The following NADK2 variants were observed in gnomAD, a reference collection of about 807,000 sequenced individuals.
NADK2 encodes NAD kinase domain-containing protein 1, mitochondrial.
In NADK2, 35 loss-of-function variants were observed where a neutral mutation model predicts 62.1. The observed-to-expected ratio is 0.56, with a 90% CI of 0.43 to 0.75. The LOEUF (loss-of-function observed/expected upper bound fraction) is 0.75, where lower values mean the gene tolerates loss of function less well. NADK2 is among the 30% of genes least tolerant of loss of function. The probability of loss-of-function intolerance (pLI) is 0.00; values close to 1 mark genes in which losing one functional copy is unlikely to be tolerated. For missense variants in NADK2, 439 were observed against 561.3 expected (o/e 0.78, Z 2.20); for synonymous variants, 205 against 207.9 (o/e 0.99, Z 0.12).
Position 36,211,753 on chromosome 5 carries a change from A to G in NADK2, c.860+91T>C, listed in dbSNP as rs539429622. 145 of 1,107,216 alleles carry G rather than the reference A, an allele frequency of 1.3e-4. No individual in the cohort carries two copies. The African/African-American group carries it at 2.0e-3, about 16-fold the overall frequency. The allele number at this position is 1,107,216 out of a possible 1,614,324, so 68.6% of individuals were successfully genotyped here. ...TGCCATTACTTGCAAAATATTATTC[A>G]CAAATCTTAGCCAGGTTGTAGAAAC... On this transcript the variant is annotated intron_variant, in intron 7 of 11. Transcript: ENST00000381937.
In NADK2 at chr5:36,219,630, C is replaced by G; in HGVS notation, c.610G>C (p.Glu204Gln). ...LPVRYTHSFP[E>Q]ALQKFYRGEF... Reference sequence around the variant, plus strand: ...CCACGATAGAACTTCTGTAAGGCTTCTGGAAAGGAATGTGTATATCGAACG... The same window carrying G: ...CCACGATAGAACTTCTGTAAGGCTTGTGGAAAGGAATGTGTATATCGAACG... The change falls in exon 5 of 12, where the codon GAA becomes CAA. Residue 204 changes from glutamate (E) to glutamine (Q), a missense_variant. Transcript: ENST00000381937. The G allele has an allele frequency of 1.2e-6, 2 of 1,614,026 alleles. No individual in the cohort carries two copies. Among genetic ancestry groups the G allele is most frequent in the South Asian group, 2.2e-5 (2 of 91,072 alleles).
chr5:36,238,239 C>A (rs1747980871), intron 1 of NADK2, among the ~76,000 whole-genome samples: 1 of 152,208 alleles, frequency 6.6e-6, no homozygotes, highest in African/African-American at 2.4e-5. Flanking sequence ...GTGCTACAAC[C>A]TAAGCCACAA....
intron 8 of NADK2, among the ~76,000 whole-genome samples, chr5:36,204,025 A>C (rs1746544247): frequency 6.6e-6 from 1 of 152,124 alleles, no homozygotes; most frequent in Non-Finnish European, 1.5e-5. Context: ...GCTTATATCC[A>C]GGTTCTGACT....
chr5:36,213,742 A>G (rs896392889), intron 6 of NADK2, among the ~76,000 whole-genome samples: 8 of 151,592 alleles, frequency 5.3e-5, no homozygotes, highest in Non-Finnish European at 1.0e-4. Context: ...TTTTACAAAC[A>G]TAAATGGCTA....
intron 6 of NADK2, among the ~76,000 whole-genome samples, chr5:36,216,683 A>T (rs1363126107): frequency 6.6e-6 from 1 of 152,120 alleles, no homozygotes; most frequent in Non-Finnish European, 1.5e-5. Flanking sequence ...TTTATAAACT[A>T]AACACAGTGA....
chr5:36,209,370 T>C (rs1746756824), intron 7 of NADK2, among the ~76,000 whole-genome samples: 1 of 152,174 alleles, frequency 6.6e-6, no homozygotes. Context: ...TATTTAATTT[T>C]TTAGTAAGTA....
chr5:36,219,736 C>A, intron 4 of NADK2, 57 bp from the exon 5 acceptor site: 4 of 1,344,206 alleles, frequency 3.0e-6, no homozygotes, highest in South Asian at 1.2e-5. Flanking sequence ...AAAGGTGAAG[C>A]AAAAAAATTT....
In NADK2 at chr5:36,241,126, T is replaced by C. The variant is rs1748097060; in HGVS notation, c.300+373A>G. On this transcript the variant is annotated intron_variant, in intron 1 of 11. Coordinates refer to ENST00000381937, the MANE Select transcript of NADK2 (RefSeq NM_001085411.3). The surrounding 1 kb of genome is among the most constrained non-coding windows in gnomAD (Gnocchi z 4.9). ...GACCTCAGGCCACTGGCTCACTTTC[T>C]TGGAGTGGGTCCCAACCAGGGAACG... Among the ~76,000 whole-genome samples the C allele has an allele frequency of 6.6e-6, 1 of 152,240 alleles. No homozygotes were observed. Among genetic ancestry groups the C allele is most frequent in the Admixed American group, 6.5e-5 (1 of 15,300 alleles).
rs192805743 is a variant in NADK2, at chr5:36,205,800, C to T, written c.956+1370G>A. Among the ~76,000 whole-genome samples, 3 of 151,996 alleles carry T rather than the reference C, an allele frequency of 2.0e-5. No individual in the cohort carries two copies. The highest frequency in any genetic ancestry group is 6.6e-5 in the Admixed American group (1 of 15,250). On this transcript the variant is annotated intron_variant, in intron 8 of 11. Coordinates refer to ENST00000381937, the MANE Select transcript of NADK2 (RefSeq NM_001085411.3). This position sits in a 1 kb window ranked among gnomAD's most constrained non-coding sequence, Gnocchi z 4.1. ...CAGCCATCCCATTACTGGGTATATA[C>T]CCAAAGGATTATAAATCATACTACT...
At chr5:36,219,925 C>T (rs1014178018) in intron 4 of NADK2, among the ~76,000 whole-genome samples, 8 of 152,152 alleles carry the variant, frequency 5.3e-5, no homozygotes, top group African/African-American at 1.2e-4. Flanking sequence ...TGAGTTTCTA[C>T]GTTACAATGA....
At position 36,226,506 on chromosome 5, in the gene NADK2, A is replaced by C. The variant is rs757998645; in HGVS notation, c.447T>G (p.Val149=). Residue 149 remains valine, a synonymous_variant, in exon 3 of 12, where the codon GTT becomes GTG. Transcript: ENST00000381937. ...VKRREYDEET[V]RWADAVIAAG... ...CAGCTATGACAGCATCTGCCCATCGAACAGTCTCTTCATCATATTCTCTCC... is the reference window on the plus strand; with the variant it reads ...CAGCTATGACAGCATCTGCCCATCGCACAGTCTCTTCATCATATTCTCTCC... The C allele has an allele frequency of 1.9e-6, 3 of 1,613,162 alleles. No homozygotes were observed. The South Asian group carries it at 3.3e-5, about 18-fold the overall frequency.
At chr5:36,219,506 CTGCCTGATT>C in intron 5 of NADK2, 81 bp downstream of exon 5, 1 of 1,177,824 alleles carries the variant, frequency 8.5e-7, no homozygotes, top group African/African-American at 1.5e-5. Flanking sequence ...ATACCGTGCC[CTGCCTGATT>C]TGTTCTGTTT....
intron 1 of NADK2, among the ~76,000 whole-genome samples, chr5:36,239,727 G>A (rs1748039176): frequency 6.6e-6 from 1 of 152,152 alleles, no homozygotes; most frequent in South Asian, 2.1e-4. Flanking sequence ...GTTATCCACA[G>A]TTTCAAAATG....
intron 9 of NADK2, among the ~76,000 whole-genome samples, chr5:36,200,550 T>A (rs115701534): frequency 6.6e-6 from 1 of 152,150 alleles, no homozygotes; most frequent in African/African-American, 2.4e-5. Context: ...CAGACAACCA[T>A]GATACAAAAA....
At chr5:36,239,338 T>G (rs1466318383) in intron 1 of NADK2, among the ~76,000 whole-genome samples, 1 of 152,250 alleles carries the variant, frequency 6.6e-6, no homozygotes, top group Non-Finnish European at 1.5e-5. Flanking sequence ...CTAATGCTAT[T>G]GCATTCTGAG....
At chr5:36,214,473 C>A (rs1042236120) in intron 6 of NADK2, among the ~76,000 whole-genome samples, 3 of 152,186 alleles carry the variant, frequency 2.0e-5, no homozygotes, top group East Asian at 1.9e-4. Context: ...AACCACCGTG[C>A]CCAGCCACTG....
Position 36,241,700 on chromosome 5 carries a change from C to T in NADK2, c.99G>A (p.Ala33=), listed in dbSNP as rs866610465. 154 of 1,130,466 alleles carry T rather than the reference C, an allele frequency of 1.4e-4. 2 individuals carry two copies. In the African/African-American group the frequency reaches 2.2e-3, roughly 16 times the overall value. The allele number at this position is 1,130,466 out of a possible 1,614,324, so 70.0% of individuals were successfully genotyped here. The change falls in exon 1 of 12, where the codon GCG becomes GCA. Residue 33 remains alanine (A), a synonymous_variant. Coordinates refer to ENST00000381937, the MANE Select transcript of NADK2 (RefSeq NM_001085411.3). This position sits in a 1 kb window ranked among gnomAD's most constrained non-coding sequence, Gnocchi z 4.9. ...CACCGTCACCGCCCAGCCGGGGCCGCGCGGCGGGGCCTCCCGCACCCGGTC... is the reference window on the plus strand; with the variant it reads ...CACCGTCACCGCCCAGCCGGGGCCGTGCGGCGGGGCCTCCCGCACCCGGTC... The part of the protein sequence containing the change: ...LRGPGAGGPA[A]RPRLGGDGGG...
chr5:36,219,560 G>T, intron 5 of NADK2, 36 bp downstream of exon 5: 2 of 1,534,954 alleles, frequency 1.3e-6, no homozygotes, highest in East Asian at 2.2e-5. Context: ...TACTTATTAA[G>T]ATACTTACAT....
At chr5:36,227,250 C>A (rs1421737441) in intron 2 of NADK2, among the ~76,000 whole-genome samples, 1 of 152,136 alleles carries the variant, frequency 6.6e-6, no homozygotes, top group Non-Finnish European at 1.5e-5. Flanking sequence ...AGATGCATTT[C>A]TCTGGAAGAC....
Sources: gnomAD v4.1 joint callset for allele counts (sites outside exome capture counted in the v4.1 genomes callset) on GRCh38, gnomAD v4.1.1 for gene constraint, Gnocchi (gnomAD v3.1) non-coding constraint, MANE v1.5 for transcripts, NCBI Gene and HGNC (gene_info 2026-07-23, HGNC 2026-07-21) for gene names.